The following KCNV2 variants were observed in gnomAD, a reference collection of about 807,000 sequenced individuals.
The protein encoded by KCNV2 is potassium voltage-gated channel modifier subfamily V member 2, also known as potassium voltage-gated channel subfamily V member 2.
A neutral mutation model predicts 37.0 loss-of-function variants in KCNV2; 65 were observed. The observed-to-expected ratio is 1.76, with a 90% confidence interval of 1.44 to 2.16. The LOEUF (loss-of-function observed/expected upper bound fraction) is 2.16. Among genes scored for constraint, KCNV2 ranks in the 30% most tolerant of loss-of-function variants. KCNV2 has a pLI of 0.00. For missense variants in KCNV2, 1,232 were observed against 766.7 expected (o/e 1.61, Z -7.17); for synonymous variants, 518 against 328.6 (o/e 1.58, Z -6.23).
intron 1 of KCNV2, among the ~76,000 whole-genome samples, chr9:2,722,204 TATAA>T (rs1356745788): frequency 3.5e-5 from 5 of 144,276 alleles, no homozygotes; most frequent in Admixed American, 2.1e-4. Flanking sequence ...GTTATTTATT[TATAA>T]ATAAATTAGA....
chr9:2,723,238 T>G (rs565726476), intron 1 of KCNV2, among the ~76,000 whole-genome samples: 1 of 152,338 alleles, frequency 6.6e-6, no homozygotes, highest in East Asian at 1.9e-4. Context: ...ATTTCACCAT[T>G]CTGGGGCTGT....
chr9:2,724,258 G>C (rs1210119325), intron 1 of KCNV2, among the ~76,000 whole-genome samples: 1 of 151,912 alleles, frequency 6.6e-6, no homozygotes. Flanking sequence ...CTTTCCCTAA[G>C]GTATGTTTTC....
In KCNV2 at chr9:2,717,559, T is replaced by A; in HGVS notation, c.-181T>A. The A allele has an allele frequency of 1.4e-6, 1 of 699,178 alleles. No individual in the cohort carries two copies. Among genetic ancestry groups the A allele is most frequent in the Non-Finnish European group, 2.4e-6 (1 of 412,674 alleles). 43.3% of individuals were successfully genotyped at this position (699,178 alleles called of 1,614,324 possible). A position where few individuals can be genotyped will look rare whatever the true frequency, so the allele number is the denominator to read the frequency against. On this transcript the variant is annotated 5_prime_UTR_variant, in exon 1 of 2. Coordinates refer to ENST00000382082, the MANE Select transcript of KCNV2 (RefSeq NM_133497.4). ...TCAGACCCTGCAGGCTGGGCTGGCC[T>A]GCCCAGGACCTGAGAAGGGGCAGCT...
At position 2,718,975 on chromosome 9, in the gene KCNV2, C is replaced by T. The variant is rs758953080; in HGVS notation, c.1236C>T (p.Gly412=). Reference sequence around the variant, plus strand: ...TGCGCCAGTGCTACCAGCAGGTGGGCTGCCTGCTGCTCTTCATCGCCATGG... The same window carrying T: ...TGCGCCAGTGCTACCAGCAGGTGGGTTGCCTGCTGCTCTTCATCGCCATGG... ...FTLRQCYQQV[G]CLLLFIAMGI... Residue 412 remains glycine, a synonymous_variant, in exon 1 of 2, where the codon GGC becomes GGT. Transcript: ENST00000382082. The T allele has an allele frequency of 2.2e-5, 36 of 1,611,460 alleles. No homozygotes were observed. Among genetic ancestry groups the T allele is most frequent in the Non-Finnish European group, 2.9e-5 (34 of 1,180,030 alleles).
chr9:2,727,694 G>A (rs1819991240), intron 1 of KCNV2, among the ~76,000 whole-genome samples: 1 of 152,070 alleles, frequency 6.6e-6, no homozygotes, highest in Non-Finnish European at 1.5e-5. Flanking sequence ...TCAGCATGGG[G>A]GACCCTGGGA....
rs747690555 is a variant in KCNV2 at position 2,718,249 on chromosome 9, G to A, written c.510G>A (p.Leu170=). Reference sequence around the variant, plus strand: ...ACAATTTCTACCTGTCCGGGGTGCTGCTGGTGCTCGACGGGCTGTGTCCGC... The same window carrying A: ...ACAATTTCTACCTGTCCGGGGTGCTACTGGTGCTCGACGGGCTGTGTCCGC... ...LVYNFYLSGV[L]LVLDGLCPRR... The change falls in exon 1 of 2, where the codon CTG becomes CTA. Residue 170 remains leucine, a synonymous_variant. Transcript: ENST00000382082. The A allele has an allele frequency of 1.2e-6, 2 of 1,613,118 alleles. No individual in the cohort carries two copies. The highest frequency in any genetic ancestry group is 1.7e-6 in the Non-Finnish European group (2 of 1,179,944).
At chr9:2,723,739 A>G (rs888462125) in intron 1 of KCNV2, among the ~76,000 whole-genome samples, 1 of 152,216 alleles carries the variant, frequency 6.6e-6, no homozygotes, top group Admixed American at 6.5e-5. Flanking sequence ...TACTGAGGAA[A>G]AGAAAGAACC....
In KCNV2 at chr9:2,718,862, G is replaced by T. The variant is rs568147806; in HGVS notation, c.1123G>T (p.Val375Leu). 3.1e-6 allele frequency: 5 copies of T among 1,609,152 alleles called. No individual in the cohort carries two copies. Among genetic ancestry groups the T allele is most frequent in the African/African-American group, 1.3e-5 (1 of 75,070 alleles). Residue 375 changes from valine (V) to leucine (L), a missense_variant, in exon 1 of 2, where the codon GTG becomes TTG. Coordinates refer to ENST00000382082, the MANE Select transcript of KCNV2 (RefSeq NM_133497.4). ...TVGSVGKVGQ[V>L]LRVMRLMRIF... ...GGGCAGCGTGGGTAAGGTGGGTCAG[G>T]TGTTGCGCGTCATGCGCCTCATGCG... is the stretch of plus-strand genomic sequence containing the variant.
intron 1 of KCNV2, among the ~76,000 whole-genome samples, chr9:2,719,572 C>G (rs888317284): frequency 1.3e-5 from 2 of 152,118 alleles, no homozygotes; most frequent in African/African-American, 4.8e-5. Flanking sequence ...CATGTTGACT[C>G]TAACTGAAAT....
intron 1 of KCNV2, among the ~76,000 whole-genome samples, chr9:2,721,771 G>C (rs1425478352): frequency 6.6e-6 from 1 of 152,146 alleles, no homozygotes; most frequent in African/African-American, 2.4e-5. Context: ...ACAAGATTGA[G>C]AGTGATTCAG....
rs1186015215 is a variant in KCNV2 at position 2,718,307 on chromosome 9, G to C, written c.568G>C (p.Val190Leu). 7 of 1,608,644 alleles carry C rather than the reference G, an allele frequency of 4.4e-6. No individual in the cohort carries two copies. The highest frequency in any genetic ancestry group is 5.9e-6 in the Non-Finnish European group (7 of 1,178,990). Residue 190 changes from valine (V) to leucine (L), a missense_variant, in exon 1 of 2, where the codon GTG becomes CTG. Val to Leu is a conservative substitution (Grantham distance 32, BLOSUM62 1). Coordinates refer to ENST00000382082, the MANE Select transcript of KCNV2 (RefSeq NM_133497.4). The stretch of plus-strand genomic sequence containing the variant: ...CCTGGAGGAGCTGGGCTACTGGGGC[G>C]TGCGGCTCAAGTACACGCCACGCTG... ...RFLEELGYWG[V>L]RLKYTPRCCR...
intron 1 of KCNV2, among the ~76,000 whole-genome samples, chr9:2,719,786 C>G (rs1819830809): frequency 6.6e-6 from 1 of 152,272 alleles, no homozygotes; most frequent in African/African-American, 2.4e-5. Context: ...CTGTCCATCT[C>G]CAAACTCCAT....
intron 1 of KCNV2, among the ~76,000 whole-genome samples, chr9:2,728,061 G>A (rs945319811): frequency 2.6e-5 from 4 of 152,020 alleles, no homozygotes; most frequent in African/African-American, 4.8e-5. Context: ...TCCTTTTTTC[G>A]TGGGCTGGAT....
In KCNV2 at chr9:2,719,093, G is replaced by A. The variant is rs770032221; in HGVS notation, c.1354G>A (p.Ala452Thr). 5.6e-6 allele frequency: 9 copies of A among 1,608,738 alleles called. 1 individual carries two copies. In the East Asian group the frequency reaches 8.9e-5, roughly 16 times the overall value. ...CATCCCCCACTCCTGGTGGTGGGCC[G>A]CGGTGAGTACCTTTGCCCTGGGCTT... The part of the protein sequence containing the change: ...TTIPHSWWWA[A>T]VSISTVGYGD... The change falls in exon 1 of 2, where the codon GCG (alanine) becomes ACG (threonine). Residue 452 changes from alanine (A) to threonine (T), a missense_variant and splice_region_variant. By Grantham distance (58) the Ala-to-Thr change is moderately conservative. Transcript: ENST00000382082.
intron 1 of KCNV2, among the ~76,000 whole-genome samples, chr9:2,727,124 A>G (rs1018605533): frequency 1.3e-5 from 2 of 152,138 alleles, no homozygotes; most frequent in African/African-American, 4.8e-5. Flanking sequence ...ACTTTCATCC[A>G]GAGGTGTGAG....
rs763785730 is a variant in KCNV2, at chr9:2,718,382, A to T, written c.643A>T (p.Lys215Ter). The change falls in exon 1 of 2, where the codon AAG becomes TAG. Residue 215 changes from lysine (K) to a stop codon, truncating the protein, a stop_gained. Coordinates refer to ENST00000382082, the MANE Select transcript of KCNV2 (RefSeq NM_133497.4). LOFTEE classifies it high-confidence loss of function. ...GCGCGACGAGCTGAGCGAACGGCTC[A>T]AGATCCAGCACGAGCTGCGCGCGCA... ...ERRDELSERL[K>*]IQHELRAQAQ... The T allele has an allele frequency of 2.5e-6, 4 of 1,601,020 alleles. No individual in the cohort carries two copies. The highest frequency in any genetic ancestry group is 3.4e-6 in the Non-Finnish European group (4 of 1,175,156).
intron 1 of KCNV2, among the ~76,000 whole-genome samples, chr9:2,722,446 A>G (rs911010460): frequency 2.2e-4 from 30 of 138,550 alleles, no homozygotes; most frequent in Non-Finnish European, 4.3e-4. Context: ...TAAATAAGTT[A>G]TTTATAAATA....
chr9:2,722,619 A>ATTTATTTATAAATAAATTAGAAGTTC (rs1485154443), intron 1 of KCNV2, among the ~76,000 whole-genome samples: 3 of 146,128 alleles, frequency 2.1e-5, no homozygotes, highest in East Asian at 2.0e-4. Flanking sequence ...ATTAGAAGTT[A>ATTTATTTATAAATAAATTAGAAGTTC]TTTATTTATA....
chr9:2,718,670 G>A lies in KCNV2; in HGVS notation c.931G>A (p.Gly311Ser), dbSNP rs202200956. 8.1e-6 allele frequency: 13 copies of A among 1,613,260 alleles called. No individual in the cohort carries two copies. The highest frequency in any genetic ancestry group is 6.6e-5 in the South Asian group (6 of 91,094). Residue 311 changes from glycine (G) to serine (S), a missense_variant, in exon 1 of 2, where the codon GGC becomes AGC. By Grantham distance (56) the Gly-to-Ser change is moderately conservative. Transcript: ENST00000382082. ...GGAGCACGTGGAGATGCTGTGCATG[G>A]GCTTCTTCACGCTCGAGTACCTGCT... ...ILEHVEMLCM[G>S]FFTLEYLLRL...
Sources: gnomAD v4.1 joint callset for allele counts (sites outside exome capture counted in the v4.1 genomes callset) on GRCh38, gnomAD v4.1.1 for gene constraint, MANE v1.5 for transcripts, NCBI Gene and HGNC (gene_info 2026-07-23, HGNC 2026-07-21) for gene names.